MON2: variants seen among roughly 807,000 people sequenced by gnomAD.
The protein encoded by MON2 is protein MON2 homolog.
MON2 carries 84 observed loss-of-function variants against 208.6 expected under a neutral mutation model. The ratio of observed to expected loss-of-function variants is 0.40; its 90% CI spans 0.34 to 0.48. The LOEUF is 0.48. MON2 is among the 20% of genes least tolerant of loss of function. The pLI, the probability that MON2 is intolerant of heterozygous loss-of-function variation, is 0.59. For synonymous variants in MON2, 660 were observed against 694.0 expected (o/e 0.95, Z 0.77); for missense variants, 1,611 against 2,015.4 (o/e 0.80, Z 3.84).
chr12:62,518,582 T>A (rs1265239849), intron 8 of MON2, among the ~76,000 whole-genome samples: 2 of 152,210 alleles, frequency 1.3e-5, no homozygotes, highest in Non-Finnish European at 2.9e-5. Context: ...CTTGTATTGC[T>A]TCTATAACAT....
chr12:62,477,421 CTTTATA>C (rs1229017147), intron 1 of MON2, among the ~76,000 whole-genome samples: 3 of 151,798 alleles, frequency 2.0e-5, no homozygotes, highest in Admixed American at 6.6e-5. Flanking sequence ...ACTTAATCTA[CTTTATA>C]TTTATTTATT....
At chr12:62,575,080 T>G (rs1193947091) in intron 30 of MON2, among the ~76,000 whole-genome samples, 1 of 152,126 alleles carries the variant, frequency 6.6e-6, no homozygotes, top group Non-Finnish European at 1.5e-5. Context: ...GAGCTGTGAC[T>G]GTGCCACTGC....
At chr12:62,525,022 A>G in intron 9 of MON2, 62 bp from the exon 10 acceptor site, 2 of 1,373,870 alleles carry the variant, frequency 1.5e-6, no homozygotes, top group South Asian at 2.5e-5. Flanking sequence ...TGCTATAAAA[A>G]GGTTTACAGT....
intron 31 of MON2, among the ~76,000 whole-genome samples, chr12:62,579,791 T>C (rs139979955): frequency 2.3e-4 from 35 of 152,308 alleles, no homozygotes; most frequent in East Asian, 3.9e-4. Flanking sequence ...AAACAAAATA[T>C]TGCCTTTCGT....
intron 23 of MON2, among the ~76,000 whole-genome samples, chr12:62,550,909 C>CTTTTTTT (rs869160726): frequency 1.9e-3 from 83 of 43,820 alleles, no homozygotes; most frequent in African/African-American, 2.3e-3. Flanking sequence ...TTCTTTCTTT[C>CTTTTTTT]TTTTTTTTTT....
rs1344600451 is a variant in MON2, at chr12:62,599,741, T to C, written c.*6992T>C. 6.6e-6 allele frequency: 1 copy of C among 152,216 alleles called. No individual in the cohort carries two copies. Among genetic ancestry groups the C allele is most frequent in the Non-Finnish European group, 1.5e-5 (1 of 68,026 alleles). The allele number at this position is 152,216 out of a possible 1,614,324, so 9.4% of individuals were successfully genotyped here. ...TTCTTTCTACTACAGTACAATAGTT[T>C]CATGTTTTACAGTCCATTAAAATCC... On this transcript the variant is annotated 3_prime_UTR_variant, in exon 35 of 35. Coordinates refer to ENST00000393630, the MANE Select transcript of MON2 (RefSeq NM_015026.3).
At chr12:62,486,522 A>T (rs1279781225) in intron 2 of MON2, among the ~76,000 whole-genome samples, 2 of 152,136 alleles carry the variant, frequency 1.3e-5, no homozygotes. Flanking sequence ...GTATATTTGC[A>T]CTTAAACTTT....
chr12:62,536,265 C>T (rs1424428983), intron 14 of MON2, among the ~76,000 whole-genome samples: 1 of 151,768 alleles, frequency 6.6e-6, no homozygotes, highest in African/African-American at 2.4e-5. Flanking sequence ...ATGTTTGTAA[C>T]CACTTAGGTT....
intron 2 of MON2, among the ~76,000 whole-genome samples, chr12:62,490,482 A>G (rs754140557): frequency 4.6e-5 from 7 of 152,124 alleles, no homozygotes; most frequent in Non-Finnish European, 8.8e-5. Flanking sequence ...TCATTAACTA[A>G]CATATTATTA....
Position 62,489,336 on chromosome 12 carries a change from A to G in MON2, c.176-4579A>G, listed in dbSNP as rs372711132. Among the ~76,000 whole-genome samples, 6 of 152,082 alleles carry G rather than the reference A, an allele frequency of 3.9e-5. No homozygotes were observed. In the South Asian group the frequency reaches 8.3e-4, roughly 21 times the overall value. On this transcript the variant is annotated intron_variant, in intron 2 of 34. Transcript: ENST00000393630. Reference sequence around the variant, plus strand: ...TTCTCACTTCCACTAGATGTTGATCATTTTTTCCCTGTATTAAATTATTCT... The same window carrying G: ...TTCTCACTTCCACTAGATGTTGATCGTTTTTTCCCTGTATTAAATTATTCT...
At position 62,545,006 on chromosome 12, in the gene MON2, C is replaced by T; in HGVS notation, c.2575C>T (p.Gln859Ter). 1.9e-6 allele frequency: 3 copies of T among 1,558,622 alleles called. No individual in the cohort carries two copies. The highest frequency in any genetic ancestry group is 2.6e-6 in the Non-Finnish European group (3 of 1,150,922). The change falls in exon 21 of 35, where the codon CAG (glutamine) becomes TAG (stop). Residue 859 changes from glutamine to a stop codon, truncating the protein, a stop_gained and splice_region_variant. Transcript: ENST00000393630. LOFTEE classifies it high-confidence loss of function. ...FNHDPPLSQN[Q>*]RLQLLLLNPL... The stretch of plus-strand genomic sequence containing the variant: ...CCATGATCCTCCACTCTCACAAAAC[C>T]AGGTAATAAAAACCTTACTTTTTAA...
chr12:62,475,610 G>A (rs1348063677), intron 1 of MON2, among the ~76,000 whole-genome samples: 1 of 150,334 alleles, frequency 6.7e-6, no homozygotes, highest in Non-Finnish European at 1.5e-5. Context: ...TCACCATGTT[G>A]GCCAGGCTGG....
At chr12:62,552,667 A>G (rs74487147) in intron 23 of MON2, among the ~76,000 whole-genome samples, 11,914 of 151,882 alleles carry the variant, frequency 0.078, 584 homozygotes, top group South Asian at 0.17. Context: ...AAAAAAAGTT[A>G]GCTCAAGATT....
rs1342181708 is a variant in MON2 at position 62,538,492 on chromosome 12, A to T, written c.2351A>T (p.Tyr784Phe). The T allele has an allele frequency of 2.5e-6, 4 of 1,597,566 alleles. No individual in the cohort carries two copies. The South Asian group carries it at 4.4e-5, about 18-fold the overall frequency. Residue 784 changes from tyrosine (Y) to phenylalanine (F), a missense_variant, in exon 19 of 35, where the codon TAT becomes TTT. Transcript: ENST00000393630. The stretch of plus-strand genomic sequence containing the variant: ...TCTCTAGAAGCAATGGATATGGCCT[A>T]TGGAAATAATAAGGTGTGATATTCT... ...SLSLEAMDMA[Y>F]GNNKEPSLFA...
chr12:62,552,771 G>A (rs1248014248), intron 23 of MON2, 110 bp from the exon 24 acceptor site: 1 of 744,130 alleles, frequency 1.3e-6, no homozygotes, highest in Admixed American at 2.9e-5. Flanking sequence ...GATTTTTGAA[G>A]TAATGTTTTT....
At chr12:62,584,195 C>T (rs1037095278) in intron 32 of MON2, among the ~76,000 whole-genome samples, 4 of 152,054 alleles carry the variant, frequency 2.6e-5, no homozygotes, top group African/African-American at 7.2e-5. Flanking sequence ...GTTGTACCCC[C>T]TGAATTTCTG....
intron 4 of MON2, among the ~76,000 whole-genome samples, chr12:62,498,480 A>T (rs1565975329): frequency 1.3e-5 from 2 of 152,196 alleles, no homozygotes; most frequent in African/African-American, 4.8e-5. Flanking sequence ...TCTATAATTT[A>T]TTGTATATAA....
At chr12:62,527,142 A>G (rs2072373129) in intron 11 of MON2, among the ~76,000 whole-genome samples, 1 of 152,048 alleles carries the variant, frequency 6.6e-6, no homozygotes, top group Non-Finnish European at 1.5e-5. Context: ...AAATAAAACT[A>G]TCCTTATGAC....
intron 19 of MON2, among the ~76,000 whole-genome samples, chr12:62,541,903 G>C (rs1197251186): frequency 6.6e-6 from 1 of 152,086 alleles, no homozygotes; most frequent in African/African-American, 2.4e-5. Flanking sequence ...GCAACATTGT[G>C]GGAGAACTTA....
Sources: allele counts gnomAD v4.1 joint callset (sites outside exome capture counted in the v4.1 genomes callset), GRCh38; gene constraint gnomAD v4.1.1; transcripts MANE v1.5; gene names NCBI Gene and HGNC (gene_info 2026-07-23, HGNC 2026-07-21).